The following COL23A1 variants were observed in gnomAD, a reference collection of about 807,000 sequenced individuals.
The protein encoded by COL23A1 is collagen alpha-1(XXIII) chain.
COL23A1 carries 97 observed loss-of-function variants against 99.3 expected under a neutral mutation model. That is an observed-to-expected ratio of 0.98 (90% CI 0.83 to 1.16). The LOEUF (loss-of-function observed/expected upper bound fraction) is 1.16, where lower values mean the gene tolerates loss of function less well. Among genes scored for constraint, COL23A1 ranks in the 50% most tolerant of loss-of-function variants. The pLI is 0.00. For synonymous variants in COL23A1, 320 were observed against 308.2 expected, an observed-to-expected ratio of 1.04 and a Z score of -0.40; for missense variants, 762 against 757.4, an observed-to-expected ratio of 1.01 and a Z score of -0.07.
chr5:178,574,041 T>C (rs1763232565), intron 1 of COL23A1, among the ~76,000 whole-genome samples: 1 of 152,126 alleles, frequency 6.6e-6, no homozygotes, highest in African/African-American at 2.4e-5. Flanking sequence ...GTATTTTTAG[T>C]AGAGACAGGG....
chr5:178,251,920 T>A (rs1295727558), intron 17 of COL23A1, among the ~76,000 whole-genome samples: 2 of 136,860 alleles, frequency 1.5e-5, no homozygotes, highest in East Asian at 4.1e-4. Flanking sequence ...TTTTTTTTTT[T>A]TTTTTATTTT....
chr5:178,390,103 C>A (rs1763887782), intron 2 of COL23A1, among the ~76,000 whole-genome samples: 1 of 152,194 alleles, frequency 6.6e-6, no homozygotes. Context: ...CTCAAAGCTA[C>A]CAGAGGCCAC....
intron 8 of COL23A1, among the ~76,000 whole-genome samples, chr5:178,266,381 G>A (rs566262332): frequency 5.3e-5 from 8 of 152,088 alleles, no homozygotes; most frequent in South Asian, 4.2e-4. Context: ...GTGTGTGTGC[G>A]CATATGTGTG....
At chr5:178,513,625 G>A (rs1421095300) in intron 2 of COL23A1, among the ~76,000 whole-genome samples, 4 of 152,166 alleles carry the variant, frequency 2.6e-5, no homozygotes, top group East Asian at 1.9e-4. Flanking sequence ...AGGTCCCCAC[G>A]TTTTTCCTGC....
chr5:178,295,141 C>T (rs1180701421), intron 3 of COL23A1, among the ~76,000 whole-genome samples: 2 of 152,208 alleles, frequency 1.3e-5, no homozygotes, highest in African/African-American at 4.8e-5. Flanking sequence ...GCCGAGATCA[C>T]ACCACTGCAC....
At chr5:178,507,282 G>A (rs1758927672) in intron 2 of COL23A1, among the ~76,000 whole-genome samples, 1 of 152,166 alleles carries the variant, frequency 6.6e-6, no homozygotes, top group South Asian at 2.1e-4. Flanking sequence ...ACCACAGAGT[G>A]GGCGGACACT....
chr5:178,488,173 T>C (rs186076550), intron 2 of COL23A1, among the ~76,000 whole-genome samples: 1 of 152,154 alleles, frequency 6.6e-6, no homozygotes, highest in Non-Finnish European at 1.5e-5. Context: ...AAGCTCTTAT[T>C]TGGCAAGGTC....
At chr5:178,447,355 A>G (rs1478124364) in intron 2 of COL23A1, among the ~76,000 whole-genome samples, 1 of 152,158 alleles carries the variant, frequency 6.6e-6, no homozygotes, top group East Asian at 1.9e-4. Flanking sequence ...CGGCCTTCCA[A>G]AGTGCCCAAC....
At chr5:178,241,336 C>G (rs1345006843) in intron 27 of COL23A1, among the ~76,000 whole-genome samples, 1 of 151,984 alleles carries the variant, frequency 6.6e-6, no homozygotes, top group South Asian at 2.1e-4. Flanking sequence ...GAAAGAGGTA[C>G]AGGAAGGGTG....
At chr5:178,402,111 C>T (rs1426106269) in intron 2 of COL23A1, among the ~76,000 whole-genome samples, 1 of 152,148 alleles carries the variant, frequency 6.6e-6, no homozygotes, top group Non-Finnish European at 1.5e-5. Flanking sequence ...CCACCGCGCC[C>T]AGCTGCCTTT....
At chr5:178,258,887 G>C (rs1475740186) in intron 12 of COL23A1, among the ~76,000 whole-genome samples, 1 of 151,116 alleles carries the variant, frequency 6.6e-6, no homozygotes, top group Non-Finnish European at 1.5e-5. Context: ...GTAGAGATGA[G>C]GTCTTGGTGT....
intron 1 of COL23A1, among the ~76,000 whole-genome samples, chr5:178,582,503 G>A (rs1227124922): frequency 6.6e-6 from 1 of 152,172 alleles, no homozygotes; most frequent in African/African-American, 2.4e-5. Context: ...CTCCTCTGAA[G>A]GTGCAGGATC....
In COL23A1 at chr5:178,306,533, G is replaced by C. The variant is rs924073499; in HGVS notation, c.406+342C>G. ...ACAGGAGAACCCGGTTGTGCTGAAG[G>C]ACCCATGGGGGAGGGTGTGGCTGGC... On this transcript the variant is annotated intron_variant, in intron 3 of 28. Coordinates refer to ENST00000390654, the MANE Select transcript of COL23A1 (RefSeq NM_173465.4). This position sits in a 1 kb window ranked among gnomAD's most constrained non-coding sequence, Gnocchi z 4.1. Among the ~76,000 whole-genome samples, 8 of 151,600 alleles carry C rather than the reference G, an allele frequency of 5.3e-5. No homozygotes were observed. The highest frequency in any genetic ancestry group is 5.3e-4 in the Admixed American group (8 of 15,232).
chr5:178,308,930 GGAAGA>G lies in COL23A1; in HGVS notation c.362-2016_362-2012del. ...GCACCATGTTCCTCGGGCTGTAGGA[GGAAGA>G]AGGCCCAGTGGCCACCCACAAAGCT... On this transcript the variant is annotated intron_variant, in intron 2 of 28. Coordinates refer to ENST00000390654, the MANE Select transcript of COL23A1 (RefSeq NM_173465.4). This position sits in a 1 kb window ranked among gnomAD's most constrained non-coding sequence, Gnocchi z 5.1. Among the ~76,000 whole-genome samples the G allele has an allele frequency of 6.6e-6, 1 of 152,226 alleles. No individual in the cohort carries two copies. Among genetic ancestry groups the G allele is most frequent in the South Asian group, 2.1e-4 (1 of 4,830 alleles).
At chr5:178,586,320 G>A (rs569911484) in intron 1 of COL23A1, among the ~76,000 whole-genome samples, 1 of 152,340 alleles carries the variant, frequency 6.6e-6, no homozygotes, top group African/African-American at 2.4e-5. Flanking sequence ...TATCAGAGGA[G>A]AGGCAGTGGA....
intron 2 of COL23A1, among the ~76,000 whole-genome samples, chr5:178,464,259 T>C (rs1756292764): frequency 6.6e-6 from 1 of 152,308 alleles, no homozygotes; most frequent in Admixed American, 6.5e-5. Context: ...CTACTTTCTC[T>C]ATGAATTTCA....
intron 4 of COL23A1, among the ~76,000 whole-genome samples, chr5:178,289,795 C>G (rs1263881228): frequency 6.6e-6 from 1 of 152,256 alleles, no homozygotes; most frequent in Non-Finnish European, 1.5e-5. Context: ...CGCTGGCTCT[C>G]TTGCTAGGAA....
chr5:178,299,722 CTTTT>C (rs1339021182), intron 3 of COL23A1, among the ~76,000 whole-genome samples: 2 of 150,972 alleles, frequency 1.3e-5, no homozygotes, highest in Non-Finnish European at 3.0e-5. Flanking sequence ...TTTCTAGTTT[CTTTT>C]ATTTTTTAAT....
chr5:178,382,694 C>G (rs1378402902), intron 2 of COL23A1, among the ~76,000 whole-genome samples: 1 of 152,178 alleles, frequency 6.6e-6, no homozygotes, highest in Non-Finnish European at 1.5e-5. Flanking sequence ...GGCCTTAGCC[C>G]CAGAGGGGTA....
Sources: allele counts gnomAD v4.1 joint callset (sites outside exome capture counted in the v4.1 genomes callset), GRCh38; gene constraint gnomAD v4.1.1; non-coding constraint Gnocchi (gnomAD v3.1); transcripts MANE v1.5; gene names NCBI Gene and HGNC (gene_info 2026-07-23, HGNC 2026-07-21).